Variants in MGAT4C observed in about 807,000 individuals in gnomAD.
The protein encoded by MGAT4C is MGAT4 family member C.
In MGAT4C, 19 loss-of-function variants were observed where a neutral mutation model predicts 40.1. The observed-to-expected ratio is 0.47, with a 90% CI of 0.33 to 0.70. MGAT4C has a LOEUF of 0.70. MGAT4C is among the 30% of genes least tolerant of loss of function. The pLI is 0.02. For missense variants in MGAT4C, 491 were observed against 563.2 expected (o/e 0.87, Z 1.30); for synonymous variants, 181 against 187.1 (o/e 0.97, Z 0.27).
At chr12:86,596,974 G>A (rs1961561065) in intron 2 of MGAT4C, among the ~76,000 whole-genome samples, 1 of 152,120 alleles carries the variant, frequency 6.6e-6, no homozygotes, top group South Asian at 2.1e-4. Context: ...ACACAACTGA[G>A]CATCATTAAT....
At position 86,779,287 on chromosome 12, in the gene MGAT4C, T is replaced by C. The variant is rs113463679; in HGVS notation, c.-261-52046A>G. On this transcript the variant is annotated intron_variant, in intron 1 of 7. Transcript: ENST00000548651. ...TCTCGAGAATTTTGTGAAAACTATT[T>C]ATTATCTGTCAATAGAAATCATCAA... is the stretch of plus-strand genomic sequence containing the variant. 9.4e-3 allele frequency among the ~76,000 whole-genome samples: 1,434 copies of C among 152,200 alleles called. 13 individuals carry two copies. The highest frequency in any genetic ancestry group is 0.033 in the African/African-American group (1,370 of 41,528).
chr12:86,233,339 C>A (rs751950530), intron 1 of MGAT4C, among the ~76,000 whole-genome samples: 7 of 152,174 alleles, frequency 4.6e-5, no homozygotes, highest in Non-Finnish European at 8.8e-5. Flanking sequence ...GGGGCCAGTA[C>A]TTAACACATT....
At chr12:86,356,582 C>T (rs1259008047) in intron 3 of MGAT4C, among the ~76,000 whole-genome samples, 5 of 152,090 alleles carry the variant, frequency 3.3e-5, no homozygotes, top group East Asian at 1.9e-4. Context: ...CAAGGGTAGC[C>T]GTGACAGATG....
intron 1 of MGAT4C, among the ~76,000 whole-genome samples, chr12:86,154,003 A>G (rs555512974): frequency 6.6e-6 from 1 of 152,334 alleles, no homozygotes; most frequent in East Asian, 1.9e-4. Flanking sequence ...GATGTAGAAC[A>G]TTATCAATCA....
intron 1 of MGAT4C, among the ~76,000 whole-genome samples, chr12:86,102,837 A>G (rs1875354630): frequency 6.6e-6 from 1 of 152,108 alleles, no homozygotes; most frequent in Non-Finnish European, 1.5e-5. Context: ...CAGTTTTTAT[A>G]GTCTTAATTT....
intron 2 of MGAT4C, among the ~76,000 whole-genome samples, chr12:86,612,739 CAA>C (rs767088175): frequency 3.4e-4 from 20 of 58,722 alleles, no homozygotes; most frequent in African/African-American, 7.6e-4. Context: ...GACTCTGTCT[CAA>C]AAAAAAAAAA....
intron 1 of MGAT4C, among the ~76,000 whole-genome samples, chr12:86,087,874 A>G (rs1249429981): frequency 6.6e-6 from 1 of 152,120 alleles, no homozygotes; most frequent in Non-Finnish European, 1.5e-5. Flanking sequence ...AAATAGAAAA[A>G]AAAACTATTT....
intron 1 of MGAT4C, among the ~76,000 whole-genome samples, chr12:86,173,458 A>AT (rs1887065365): frequency 1.3e-5 from 2 of 152,092 alleles, no homozygotes; most frequent in Admixed American, 1.3e-4. Context: ...TAACTACTTT[A>AT]TTTTTATTCA....
intron 1 of MGAT4C, among the ~76,000 whole-genome samples, chr12:86,161,126 A>C (rs1011783798): frequency 6.6e-6 from 1 of 152,120 alleles, no homozygotes; most frequent in African/African-American, 2.4e-5. Flanking sequence ...TCAAACTACC[A>C]ACATAATTAT....
chr12:86,362,649 G>A (rs1178802248), intron 3 of MGAT4C, among the ~76,000 whole-genome samples: 6 of 151,888 alleles, frequency 4.0e-5, no homozygotes, highest in Non-Finnish European at 8.8e-5. Context: ...GTGAGGGTGC[G>A]AGGTCAGATC....
At chr12:86,447,372 G>A (rs900607007) in intron 2 of MGAT4C, among the ~76,000 whole-genome samples, 2 of 152,080 alleles carry the variant, frequency 1.3e-5, no homozygotes, top group African/African-American at 2.4e-5. Flanking sequence ...TGAACCACCT[G>A]CCTTGGCCTC....
At chr12:86,764,415 A>G (rs1193621607) in intron 1 of MGAT4C, among the ~76,000 whole-genome samples, 3 of 152,122 alleles carry the variant, frequency 2.0e-5, no homozygotes, top group Non-Finnish European at 4.4e-5. Context: ...CGGCCTCTGT[A>G]GGCTCCACCT....
chr12:86,179,661 C>A (rs1032579845), intron 1 of MGAT4C, among the ~76,000 whole-genome samples: 1 of 152,160 alleles, frequency 6.6e-6, no homozygotes, highest in African/African-American at 2.4e-5. Context: ...AAGAGACTGG[C>A]AGCATTTAGC....
At chr12:86,675,538 T>C (rs751641960) in intron 2 of MGAT4C, among the ~76,000 whole-genome samples, 29 of 152,188 alleles carry the variant, frequency 1.9e-4, no homozygotes, top group Admixed American at 4.6e-4. Flanking sequence ...TTTTCAACTG[T>C]AAAATGAGGT....
At position 85,957,952 on chromosome 12, in the gene MGAT4C, A is replaced by C. The variant is rs1882897394; in HGVS notation, c.*21337T>G. 1 of 152,006 alleles carries C rather than the reference A, an allele frequency of 6.6e-6. No individual in the cohort carries two copies. Among genetic ancestry groups the C allele is most frequent in the Non-Finnish European group, 1.5e-5 (1 of 68,008 alleles). 9.4% of individuals were successfully genotyped at this position (152,006 alleles called of 1,614,324 possible). On this transcript the variant is annotated 3_prime_UTR_variant, in exon 5 of 5. Coordinates refer to ENST00000611864, the MANE Select transcript of MGAT4C (RefSeq NM_001351288.2). ...TAGGTTATCTTTATTTGAGTGAGAG[A>C]CTTGTCATTAATGTACAGCAAAATT...
At chr12:86,363,627 T>C (rs1438874637) in intron 3 of MGAT4C, among the ~76,000 whole-genome samples, 1 of 151,874 alleles carries the variant, frequency 6.6e-6, no homozygotes, top group Non-Finnish European at 1.5e-5. Context: ...TTTAAAACAA[T>C]GAAATTTGAA....
At chr12:86,685,506 C>G (rs1950058237) in intron 2 of MGAT4C, among the ~76,000 whole-genome samples, 1 of 152,158 alleles carries the variant, frequency 6.6e-6, no homozygotes, top group South Asian at 2.1e-4. Context: ...ATTGCCTTGG[C>G]TACACAGGCT....
chr12:86,201,784 T>C (rs941672877), intron 1 of MGAT4C, among the ~76,000 whole-genome samples: 8 of 152,120 alleles, frequency 5.3e-5, no homozygotes, highest in Admixed American at 1.3e-4. Flanking sequence ...TTCCAATCCA[T>C]GAAAACTATT....
chr12:86,093,694 C>A (rs1030560218), intron 1 of MGAT4C, among the ~76,000 whole-genome samples: 8 of 151,942 alleles, frequency 5.3e-5, no homozygotes, highest in Admixed American at 2.0e-4. Context: ...CACCACTGCA[C>A]TCTAGCCTGG....
Sources: allele counts gnomAD v4.1 joint callset (sites outside exome capture counted in the v4.1 genomes callset), GRCh38; gene constraint gnomAD v4.1.1; transcripts MANE v1.5; gene names NCBI Gene and HGNC (gene_info 2026-07-23, HGNC 2026-07-21).